Variants in ULK4 observed in about 807,000 individuals in gnomAD.
ULK4 encodes inactive serine/threonine-protein kinase ULK4.
Under a neutral mutation model 160.6 loss-of-function variants are expected in ULK4, and 133 were observed. The observed-to-expected ratio is 0.83, with a 90% CI of 0.72 to 0.96. The LOEUF (loss-of-function observed/expected upper bound fraction) is 0.96, where lower values mean the gene tolerates loss of function less well. Ranked by LOEUF, ULK4 falls within the 40% of genes least tolerant of loss-of-function variation. ULK4 has a pLI of 0.00. For synonymous variants in ULK4, 534 were observed against 539.8 expected (o/e 0.99, Z 0.15); for missense variants, 1,580 against 1,499.5 (o/e 1.05, Z -0.89).
intron 12 of ULK4, among the ~76,000 whole-genome samples, chr3:41,902,713 G>C (rs1234240074): frequency 6.6e-6 from 1 of 151,334 alleles, no homozygotes; most frequent in Admixed American, 6.6e-5. Context: ...TAAAAAGACA[G>C]AGGTAAACTC....
intron 8 of ULK4, among the ~76,000 whole-genome samples, chr3:41,913,574 C>T (rs1412250935): frequency 3.3e-5 from 5 of 152,090 alleles, no homozygotes; most frequent in Non-Finnish European, 7.4e-5. Context: ...ATCCTGTCAT[C>T]CTTTATTTCA....
chr3:41,562,903 A>T (rs906972894), intron 32 of ULK4, among the ~76,000 whole-genome samples: 2 of 152,192 alleles, frequency 1.3e-5, no homozygotes, highest in Non-Finnish European at 2.9e-5. Context: ...TCCTGTCATT[A>T]GGATGTTAGC....
intron 35 of ULK4, among the ~76,000 whole-genome samples, chr3:41,268,603 C>G (rs556501658): frequency 1.3e-5 from 2 of 152,078 alleles, no homozygotes; most frequent in South Asian, 4.2e-4. Context: ...GTCAGGAGTT[C>G]GAGACCAGTC....
intron 35 of ULK4, among the ~76,000 whole-genome samples, chr3:41,390,114 C>T (rs982933955): frequency 6.6e-5 from 10 of 152,032 alleles, no homozygotes; most frequent in African/African-American, 2.2e-4. Flanking sequence ...GTGTATGTGT[C>T]GAGGAATTCA....
At chr3:41,306,919 G>A (rs1430441827) in intron 35 of ULK4, among the ~76,000 whole-genome samples, 3 of 151,580 alleles carry the variant, frequency 2.0e-5, no homozygotes, top group Non-Finnish European at 4.4e-5. Context: ...AGTGCAAGAT[G>A]TGCTTTGTTA....
intron 31 of ULK4, among the ~76,000 whole-genome samples, chr3:41,604,814 T>A (rs184136998): frequency 6.6e-6 from 1 of 152,212 alleles, no homozygotes; most frequent in African/African-American, 2.4e-5. Context: ...ACCCGTGGAC[T>A]TTCTTTCTCA....
intron 17 of ULK4, among the ~76,000 whole-genome samples, chr3:41,881,087 G>C (rs1393269433): frequency 1.3e-5 from 2 of 152,050 alleles, no homozygotes; most frequent in Admixed American, 1.3e-4. Context: ...ACCCAATTGT[G>C]AGTTTTACAG....
intron 34 of ULK4, among the ~76,000 whole-genome samples, chr3:41,429,776 T>C (rs2082861816): frequency 6.6e-6 from 1 of 151,980 alleles, no homozygotes; most frequent in Admixed American, 6.6e-5. Context: ...AGCACCAGGA[T>C]AAATAGCTAA....
At chr3:41,561,006 T>G (rs113940245) in intron 32 of ULK4, among the ~76,000 whole-genome samples, 1,567 of 152,348 alleles carry the variant, frequency 0.01, 33 homozygotes, top group African/African-American at 0.035. Context: ...GGGTATGTCA[T>G]AAATAGCTCT....
At chr3:41,347,235 CAT>C in intron 35 of ULK4, among the ~76,000 whole-genome samples, 1 of 152,344 alleles carries the variant, frequency 6.6e-6, no homozygotes. Context: ...CAAAGTTAGA[CAT>C]GTGCTAACTA....
chr3:41,534,545 G>A (rs1006247256), intron 32 of ULK4, among the ~76,000 whole-genome samples: 2 of 144,386 alleles, frequency 1.4e-5, no homozygotes, highest in Admixed American at 1.4e-4. Flanking sequence ...ACTACATAAT[G>A]CATTTACATG....
intron 29 of ULK4, among the ~76,000 whole-genome samples, chr3:41,675,665 G>A (rs190168200): frequency 1.4e-3 from 213 of 152,228 alleles, no homozygotes; most frequent in Non-Finnish European, 2.4e-3. Flanking sequence ...ATCCAGTGAT[G>A]GTATACCCAT....
At chr3:41,778,389 G>A (rs1380329272) in intron 21 of ULK4, among the ~76,000 whole-genome samples, 6 of 11,178 alleles carry the variant, frequency 5.4e-4, no homozygotes, top group East Asian at 3.4e-3. Context: ...AATCAATATC[G>A]TGAAAATGGC....
chr3:41,695,139 T>G (rs372379994), intron 27 of ULK4, among the ~76,000 whole-genome samples: 162 of 152,306 alleles, frequency 1.1e-3, no homozygotes, highest in African/African-American at 3.8e-3. Flanking sequence ...TCAAGTTCTT[T>G]TAAAGGACAC....
intron 17 of ULK4, among the ~76,000 whole-genome samples, chr3:41,857,921 A>T (rs1431064451): frequency 6.6e-6 from 1 of 151,748 alleles, no homozygotes; most frequent in Non-Finnish European, 1.5e-5. Flanking sequence ...TGTTTCATTG[A>T]TCTTTCATAT....
At chr3:41,942,354 A>AT (rs1353816431) in intron 2 of ULK4, among the ~76,000 whole-genome samples, 5 of 152,024 alleles carry the variant, frequency 3.3e-5, no homozygotes, top group African/African-American at 1.2e-4. Context: ...CCCTATCTCT[A>AT]TAAAAAATAC....
At chr3:41,305,192 C>CTCCCTCTCCCCACGG (rs2079881320) in intron 35 of ULK4, among the ~76,000 whole-genome samples, 1 of 109,612 alleles carries the variant, frequency 9.1e-6, no homozygotes, top group Non-Finnish European at 1.9e-5. Context: ...AGGGCTCTCC[C>CTCCCTCTCCCCACGG]TCTCCCTCTC....
chr3:41,308,846 G>C (rs2079996805), intron 35 of ULK4, among the ~76,000 whole-genome samples: 1 of 152,006 alleles, frequency 6.6e-6, no homozygotes, highest in African/African-American at 2.4e-5. Flanking sequence ...TGGTCATTTT[G>C]GATAAGGGAT....
chr3:41,911,575 C>G lies in ULK4; in HGVS notation c.981G>C (p.Lys327Asn). 1 of 1,614,078 alleles carries G rather than the reference C, an allele frequency of 6.2e-7. No individual in the cohort carries two copies. The highest frequency in any genetic ancestry group is 2.2e-5 in the East Asian group (1 of 44,864). ...AAGAGTGACCTAGTGGTTGACCACT[C>G]TTGTGCCCTTTTGCTTGTCTACTCT... ...NSQSRQAKGHKSGQPLGHSFR... is the reference protein window; with the variant it reads ...NSQSRQAKGHNSGQPLGHSFR... The change falls in exon 10 of 37, where the codon AAG becomes AAC. Residue 327 changes from lysine to asparagine, a missense_variant. Lys to Asn is a moderately conservative substitution (Grantham distance 94). Transcript: ENST00000301831.
Sources: allele counts gnomAD v4.1 joint callset (sites outside exome capture counted in the v4.1 genomes callset), GRCh38; gene constraint gnomAD v4.1.1; transcripts MANE v1.5; gene names NCBI Gene and HGNC (gene_info 2026-07-23, HGNC 2026-07-21).